EPHA5: variants seen among roughly 807,000 people sequenced by gnomAD.
The protein encoded by EPHA5 is ephrin type-A receptor 5.
In EPHA5, 60 loss-of-function variants were observed where a neutral mutation model predicts 105.0. The observed-to-expected ratio is 0.57, with a 90% CI of 0.46 to 0.71. The LOEUF (loss-of-function observed/expected upper bound fraction) is 0.71, where lower values mean the gene tolerates loss of function less well. EPHA5 is among the 30% of genes least tolerant of loss of function. EPHA5 has a pLI of 0.00. For missense variants in EPHA5, 1,218 were observed against 1,274.7 expected, an observed-to-expected ratio of 0.96 and a Z score of 0.68; for synonymous variants, 513 against 449.1, an observed-to-expected ratio of 1.14 and a Z score of -1.80.
chr4:65,627,808 CACA>C (rs1360811371), intron 2 of EPHA5, among the ~76,000 whole-genome samples: 3 of 152,106 alleles, frequency 2.0e-5, no homozygotes, highest in Non-Finnish European at 4.4e-5. Flanking sequence ...AGTAGATTTA[CACA>C]AAGTCTAACT....
At chr4:65,391,092 AT>A in intron 8 of EPHA5, among the ~76,000 whole-genome samples, 1 of 152,156 alleles carries the variant, frequency 6.6e-6, no homozygotes, top group South Asian at 2.1e-4. Flanking sequence ...TTATAAAACC[AT>A]TAGTTCTTGT....
chr4:65,510,031 C>CT lies in EPHA5; in HGVS notation c.911-14489dup, dbSNP rs11300558. Among the ~76,000 whole-genome samples, 392 of 119,392 alleles carry CT rather than the reference C, an allele frequency of 3.3e-3. 1 individual carries two copies. The highest frequency in any genetic ancestry group is 6.4e-3 in the African/African-American group (195 of 30,508). The allele number at this position is 119,392 out of a possible 152,430, so 78.3% of individuals were successfully genotyped here. On this transcript the variant is annotated intron_variant, in intron 3 of 16. Transcript: ENST00000613740. ...ATGCAATTTCAGATGATACATACTT[C>CT]TTTTTTTTTTTTTTTTTTTCGAGAT... is the stretch of plus-strand genomic sequence containing the variant.
chr4:65,422,485 A>G (rs184975524), intron 5 of EPHA5, among the ~76,000 whole-genome samples: 2 of 152,226 alleles, frequency 1.3e-5, no homozygotes, highest in Admixed American at 6.6e-5. Flanking sequence ...TCAAATGAGA[A>G]TGATGACTTA....
intron 13 of EPHA5, among the ~76,000 whole-genome samples, chr4:65,348,691 T>TA (rs1560437834): frequency 4.4e-5 from 2 of 45,710 alleles, no homozygotes; most frequent in Non-Finnish European, 8.9e-5. Flanking sequence ...TATATATATA[T>TA]ATATATAAAA....
chr4:65,348,090 A>G lies in EPHA5; in HGVS notation c.2559T>C (p.Tyr853=), dbSNP rs1722393796. 1.2e-6 allele frequency: 2 copies of G among 1,612,432 alleles called. No homozygotes were observed. The highest frequency in any genetic ancestry group is 1.1e-5 in the South Asian group (1 of 90,882). Residue 853 remains tyrosine (Y), a synonymous_variant, in exon 14 of 17, where the codon TAT becomes TAC. Transcript: ENST00000613740. ...YGIVMWEVVS[Y]GERPYWEMTN... ...TCATCTCCCAGTAGGGTCTCTCTCC[A>G]TAAGACACAACTTCCCACATTACTA... is the stretch of plus-strand genomic sequence containing the variant.
At position 65,420,581 on chromosome 4, in the gene EPHA5, A is replaced by T. The variant is rs1444916588; in HGVS notation, c.1403-16T>A. The T allele has an allele frequency of 6.2e-7, 1 of 1,610,714 alleles. No individual in the cohort carries two copies. The highest frequency in any genetic ancestry group is 8.5e-7 in the Non-Finnish European group (1 of 1,178,602). ...GGAGATGGAGCTGCAAAATAGTTTA[A>T]ATAAGGAGCAGTATGATTAATAAGG... On this transcript the variant is annotated splice_polypyrimidine_tract_variant and intron_variant, in intron 5 of 16. Transcript: ENST00000613740.
At chr4:65,535,565 C>T (rs979270384) in intron 3 of EPHA5, among the ~76,000 whole-genome samples, 1 of 151,970 alleles carries the variant, frequency 6.6e-6, no homozygotes, top group Non-Finnish European at 1.5e-5. Context: ...ATTTTTAAGG[C>T]AATTTATTAC....
At chr4:65,473,154 C>T (rs1308353675) in intron 5 of EPHA5, among the ~76,000 whole-genome samples, 1 of 152,150 alleles carries the variant, frequency 6.6e-6, no homozygotes, top group Non-Finnish European at 1.5e-5. Context: ...TCATACTGGA[C>T]TTCATTGTCC....
chr4:65,603,476 TA>T (rs61048186), intron 2 of EPHA5, among the ~76,000 whole-genome samples: 46,000 of 151,696 alleles, frequency 0.3, 7,137 homozygotes, highest in Non-Finnish European at 0.33. Flanking sequence ...GTATTGTAGA[TA>T]AAAAAAACTT....
At chr4:65,668,352 G>T (rs138904170) in intron 1 of EPHA5, among the ~76,000 whole-genome samples, 38 of 152,274 alleles carry the variant, frequency 2.5e-4, no homozygotes, top group African/African-American at 8.2e-4. Flanking sequence ...AGGAGTGGAA[G>T]GAATTTCTGC....
At chr4:65,377,106 A>T in intron 8 of EPHA5, 2 of 1,573,248 alleles carry the variant, frequency 1.3e-6, no homozygotes, top group Non-Finnish European at 1.7e-6. Flanking sequence ...AAGAGATCCC[A>T]CTCCCTCAAA....
At chr4:65,656,472 T>G (rs760898696) in intron 1 of EPHA5, among the ~76,000 whole-genome samples, 1 of 150,994 alleles carries the variant, frequency 6.6e-6, no homozygotes, top group Non-Finnish European at 1.5e-5. Flanking sequence ...ACATTCCATA[T>G]GCATGTTTTC....
chr4:65,455,404 A>G (rs1437436838), intron 5 of EPHA5, among the ~76,000 whole-genome samples: 1 of 152,160 alleles, frequency 6.6e-6, no homozygotes, highest in African/African-American at 2.4e-5. Flanking sequence ...GTCCTTTCTT[A>G]TTCCTTGCTA....
chr4:65,451,469 T>C (rs1467384906), intron 5 of EPHA5, among the ~76,000 whole-genome samples: 1 of 152,176 alleles, frequency 6.6e-6, no homozygotes, highest in African/African-American at 2.4e-5. Context: ...TTCAAAGTTA[T>C]ATTTAAAAAT....
At chr4:65,661,816 A>C (rs1427936956) in intron 1 of EPHA5, among the ~76,000 whole-genome samples, 1 of 152,186 alleles carries the variant, frequency 6.6e-6, no homozygotes, top group Non-Finnish European at 1.5e-5. Context: ...TGGAAAGGGA[A>C]GGTGCTGTCA....
chr4:65,419,444 G>A (rs192972611), intron 6 of EPHA5, among the ~76,000 whole-genome samples: 102 of 152,238 alleles, frequency 6.7e-4, no homozygotes, highest in Non-Finnish European at 1.4e-3. Context: ...AGTAAGTAGC[G>A]TGGTTCAGTC....
At chr4:65,428,622 G>T (rs886099179) in intron 5 of EPHA5, among the ~76,000 whole-genome samples, 14 of 151,946 alleles carry the variant, frequency 9.2e-5, no homozygotes, top group African/African-American at 2.7e-4. Context: ...TAGAGAGACG[G>T]TATCTGTTTT....
rs2149438327 is a variant in EPHA5 at position 65,601,835 on chromosome 4, T to A, written c.716A>T (p.His239Leu). 1 of 1,614,150 alleles carries A rather than the reference T, an allele frequency of 6.2e-7. No individual in the cohort carries two copies. Among genetic ancestry groups the A allele is most frequent in the Non-Finnish European group, 8.5e-7 (1 of 1,180,014 alleles). The stretch of plus-strand genomic sequence containing the variant: ...GATGGTGTCAGGGAAGACAGCCAAG[T>A]GTCGTACCACAGAAGGGCATTTTTT... ...YYKKCPSVVRHLAVFPDTITG... is the reference protein window; with the variant it reads ...YYKKCPSVVRLLAVFPDTITG... Residue 239 changes from histidine to leucine, a missense_variant, in exon 3 of 17, where the codon CAC (histidine) becomes CTC (leucine). By Grantham distance (99) the His-to-Leu change is moderately conservative. Transcript: ENST00000613740.
rs572698344 is a variant in EPHA5, at chr4:65,549,273, G to C, written c.910+52368C>G. ...ACTGGCAACACAGAGCTGATCAAAAGCATCCTTAAGATTCAAACAAATCTG... is the reference window on the plus strand; with the variant it reads ...ACTGGCAACACAGAGCTGATCAAAACCATCCTTAAGATTCAAACAAATCTG... On this transcript the variant is annotated intron_variant, in intron 3 of 16. Transcript: ENST00000613740. Among the ~76,000 whole-genome samples, 4 of 152,168 alleles carry C rather than the reference G, an allele frequency of 2.6e-5. No homozygotes were observed. In the South Asian group the frequency reaches 8.3e-4, roughly 32 times the overall value.
Sources: allele counts gnomAD v4.1 joint callset (sites outside exome capture counted in the v4.1 genomes callset), GRCh38; gene constraint gnomAD v4.1.1; transcripts MANE v1.5; gene names NCBI Gene and HGNC (gene_info 2026-07-23, HGNC 2026-07-21).